The following GAA variants were observed in gnomAD, a reference collection of about 807,000 sequenced individuals.
GAA encodes the protein lysosomal alpha-glucosidase.
A neutral mutation model predicts 103.9 loss-of-function variants in GAA; 88 were observed. That is an observed-to-expected ratio of 0.85 (90% CI 0.71 to 1.01). The LOEUF is 1.01. Among genes scored for constraint, GAA ranks in the 50% least tolerant of loss-of-function variants. The pLI, the probability that GAA is intolerant of heterozygous loss-of-function variation, is 0.00. For synonymous variants in GAA, 572 were observed against 563.1 expected (o/e 1.02, Z -0.22); for missense variants, 1,350 against 1,305.3 (o/e 1.03, Z -0.53).
Position 80,110,940 on chromosome 17 carries a change from G to C in GAA, c.1552-1G>C. The C allele has an allele frequency of 6.2e-7, 1 of 1,613,960 alleles. No individual in the cohort carries two copies. The highest frequency in any genetic ancestry group is 1.1e-5 in the South Asian group (1 of 91,088). On this transcript the variant is annotated splice_acceptor_variant, in intron 10 of 19. Transcript: ENST00000302262. LOFTEE classifies it high-confidence loss of function. Reference sequence around the variant, plus strand: ...ACCTACCAGCAGCGCTTCTCTTGCAGGACATGAACGAGCCTTCCAACTTCA... The same window carrying C: ...ACCTACCAGCAGCGCTTCTCTTGCACGACATGAACGAGCCTTCCAACTTCA...
intron 1 of GAA, among the ~76,000 whole-genome samples, chr17:80,103,585 G>C (rs2039003004): frequency 6.6e-6 from 1 of 152,160 alleles, no homozygotes. Flanking sequence ...CGAAACAAAG[G>C]TCGTTGGTAC....
chr17:80,103,959 G>T (rs1033197636), intron 1 of GAA, among the ~76,000 whole-genome samples: 1 of 152,192 alleles, frequency 6.6e-6, no homozygotes, highest in African/African-American at 2.4e-5. Flanking sequence ...GGACCAAGCC[G>T]CACCTTTATG....
chr17:80,108,537 G>A lies in GAA; in HGVS notation c.1124G>A (p.Arg375His), dbSNP rs142752477. ...TGGGGCCTGGGCTTCCACCTGTGCC[G>A]CTGGGGCTACTCCTCCACCGCTATC... ...PYWGLGFHLC[R>H]WGYSSTAITR... The change falls in exon 7 of 20, where the codon CGC (arginine) becomes CAC (histidine). Residue 375 changes from arginine to histidine, a missense_variant. Coordinates refer to ENST00000302262, the MANE Select transcript of GAA (RefSeq NM_000152.5). 1.7e-5 allele frequency: 27 copies of A among 1,612,868 alleles called. No homozygotes were observed. In the African/African-American group the frequency reaches 1.7e-4, roughly 10 times the overall value.
At chr17:80,106,153 GA>G (rs955630660) in intron 3 of GAA, among the ~76,000 whole-genome samples, 3 of 152,202 alleles carry the variant, frequency 2.0e-5, no homozygotes, top group African/African-American at 7.2e-5. Context: ...AAACTCTCAG[GA>G]ACGACAGCAC....
intron 3 of GAA, among the ~76,000 whole-genome samples, chr17:80,106,124 C>T (rs1353416422): frequency 6.6e-6 from 1 of 152,206 alleles, no homozygotes; most frequent in Non-Finnish European, 1.5e-5. Flanking sequence ...CAAGCCCCTG[C>T]TTGTCATTTA....
intron 8 of GAA, among the ~76,000 whole-genome samples, chr17:80,109,511 G>A (rs1057328990): frequency 6.6e-5 from 10 of 152,364 alleles, no homozygotes; most frequent in Non-Finnish European, 7.3e-5. Context: ...ATCCACTTCA[G>A]CAGAGGAAGC....
intron 8 of GAA, among the ~76,000 whole-genome samples, chr17:80,109,460 G>T (rs2039176912): frequency 6.6e-6 from 1 of 152,198 alleles, no homozygotes; most frequent in South Asian, 2.1e-4. Flanking sequence ...GAGGTGGGAG[G>T]CAGGGCGAGC....
chr17:80,110,997 T>C lies in GAA; in HGVS notation c.1608T>C (p.Asn536=). The change falls in exon 11 of 20, where the codon AAT becomes AAC. Residue 536 remains asparagine (N), a synonymous_variant. Coordinates refer to ENST00000302262, the MANE Select transcript of GAA (RefSeq NM_000152.5). ...IRGSEDGCPN[N]ELENPPYVPG... is the part of the protein sequence containing the mutation. ...GCTCTGAGGACGGCTGCCCCAACAA[T>C]GAGCTGGAGAACCCACCCTACGTGC... 5 of 1,613,846 alleles carry C rather than the reference T, an allele frequency of 3.1e-6. No individual in the cohort carries two copies. The highest frequency in any genetic ancestry group is 1.3e-5 in the African/African-American group (1 of 75,032).
intron 11 of GAA, 104 bp downstream of exon 11, chr17:80,111,129 G>T: frequency 1.9e-6 from 2 of 1,051,494 alleles, no homozygotes; most frequent in Non-Finnish European, 2.8e-6. Flanking sequence ...AGATGGGCCA[G>T]CGGGGAAAGG....
rs2039418269 is a variant in GAA at position 80,118,796 on chromosome 17, C to T, written c.2790C>T (p.Pro930=). The change falls in exon 19 of 20, where the codon CCC becomes CCT. Residue 930 remains proline (P), a synonymous_variant. Coordinates refer to ENST00000302262, the MANE Select transcript of GAA (RefSeq NM_000152.5). ...CTGTCTCCAACTTCACCTACAGCCC[C>T]GACACCAAGGCAAGAGGGCCCAGAG... ...GVPVSNFTYS[P]DTKVLDICVS... is the part of the protein sequence containing the mutation. 3 of 1,613,264 alleles carry T rather than the reference C, an allele frequency of 1.9e-6. No homozygotes were observed. The highest frequency in any genetic ancestry group is 1.6e-4 in the Middle Eastern group (1 of 6,062).
Position 80,102,109 on chromosome 17 carries a change from G to C in GAA, c.-33+219G>C, listed in dbSNP as rs4889961. On this transcript the variant is annotated intron_variant, in intron 1 of 19. Coordinates refer to ENST00000302262, the MANE Select transcript of GAA (RefSeq NM_000152.5). ...GAGGCTGCATCTTCCCGTTTCTAGG[G>C]TTTCCTTTCCCCTTTTGATCGACGC... The C allele has an allele frequency of 0.75, 113,824 of 152,654 alleles. 42,748 individuals carry two copies. The highest frequency in any genetic ancestry group is 0.86 in the Middle Eastern group (254 of 294). 9.5% of individuals were successfully genotyped at this position (152,654 alleles called of 1,614,324 possible). A position where few individuals can be genotyped will look rare whatever the true frequency, so the allele number is the denominator to read the frequency against.
At position 80,113,270 on chromosome 17, in the gene GAA, C is replaced by T. The variant is rs1001458871; in HGVS notation, c.2093C>T (p.Ala698Val). 5 of 1,602,076 alleles carry T rather than the reference C, an allele frequency of 3.1e-6. No homozygotes were observed. Among genetic ancestry groups the T allele is most frequent in the East Asian group, 2.3e-5 (1 of 44,308 alleles). ...CCGGCCCAGCAGGCCATGAGGAAGGCCCTCACCCTGCGCTACGCACTCCTC... is the reference window on the plus strand; with the variant it reads ...CCGGCCCAGCAGGCCATGAGGAAGGTCCTCACCCTGCGCTACGCACTCCTC... ...SEPAQQAMRKALTLRYALLPH... is the reference protein window; with the variant it reads ...SEPAQQAMRKVLTLRYALLPH... Residue 698 changes from alanine (A) to valine (V), a missense_variant, in exon 15 of 20, where the codon GCC becomes GTC. Ala to Val is a moderately conservative substitution (Grantham distance 64). Transcript: ENST00000302262.
At chr17:80,110,111 G>A (rs1598580506) in intron 9 of GAA, 56 bp downstream of exon 9, 4 of 1,403,208 alleles carry the variant, frequency 2.9e-6, no homozygotes, top group Non-Finnish European at 4.0e-6. Flanking sequence ...CAGCCAGGGG[G>A]AGCCGGCAGC....
At position 80,113,014 on chromosome 17, in the gene GAA, G is replaced by T; in HGVS notation, c.2027G>T (p.Ser676Ile). 1 of 1,610,168 alleles carries T rather than the reference G, an allele frequency of 6.2e-7. No homozygotes were observed. Among genetic ancestry groups the T allele is most frequent in the Non-Finnish European group, 8.5e-7 (1 of 1,178,876 alleles). ...TACCCCTTCATGCGGAACCACAACAGCCTGCTCAGTCTGGTAGGGTGGGGG... is the reference window on the plus strand; with the variant it reads ...TACCCCTTCATGCGGAACCACAACATCCTGCTCAGTCTGGTAGGGTGGGGG... ...AFYPFMRNHN[S>I]LLSLPQEPYS... Residue 676 changes from serine to isoleucine, a missense_variant, in exon 14 of 20, where the codon AGC becomes ATC. Transcript: ENST00000302262.
chr17:80,118,098 G>A, intron 17 of GAA, 95 bp from the exon 18 acceptor site: 1 of 1,408,814 alleles, frequency 7.1e-7, no homozygotes, highest in South Asian at 1.3e-5. Flanking sequence ...GTTACTGGCA[G>A]CCTGGTGCTG....
At chr17:80,114,561 T>C (rs1323350062) in intron 15 of GAA, among the ~76,000 whole-genome samples, 1 of 152,216 alleles carries the variant, frequency 6.6e-6, no homozygotes, top group Non-Finnish European at 1.5e-5. Flanking sequence ...CTCTCGTTCC[T>C]CTGTGCTGTT....
At chr17:80,110,134 CGGT>C (rs2039197960) in intron 9 of GAA, 79 bp downstream of exon 9, 22 of 1,190,316 alleles carry the variant, frequency 1.8e-5, no homozygotes, top group Non-Finnish European at 2.6e-5. Context: ...CTCAGGAAGA[CGGT>C]GGGATTTGAG....
In GAA at chr17:80,112,705, G is replaced by C. The variant is rs745911962; in HGVS notation, c.1882G>C (p.Val628Leu). The change falls in exon 13 of 20, where the codon GTG becomes CTG. Residue 628 changes from valine to leucine, a missense_variant. Physicochemically the swap from Val to Leu is conservative, Grantham distance 32. Transcript: ENST00000302262. Reference sequence around the variant, plus strand: ...CTCCTGGGAGCAGCTCGCCTCCTCCGTGCCAGGTGAGCTCCTACCAGGAGG... The same window carrying C: ...CTCCTGGGAGCAGCTCGCCTCCTCCCTGCCAGGTGAGCTCCTACCAGGAGG... ...WSSWEQLASS[V>L]PEILQFNLLG... is the part of the protein sequence containing the mutation. The C allele has an allele frequency of 1.9e-6, 3 of 1,607,462 alleles. No homozygotes were observed. Among genetic ancestry groups the C allele is most frequent in the Non-Finnish European group, 2.5e-6 (3 of 1,177,714 alleles).
At chr17:80,105,493 A>G (rs1482967742) in intron 2 of GAA, among the ~76,000 whole-genome samples, 1 of 152,202 alleles carries the variant, frequency 6.6e-6, no homozygotes, top group Non-Finnish European at 1.5e-5. Context: ...ATGTATTTAT[A>G]CTAGAAAAGC....
Sources: allele counts gnomAD v4.1 joint callset (sites outside exome capture counted in the v4.1 genomes callset), GRCh38; gene constraint gnomAD v4.1.1; transcripts MANE v1.5; gene names NCBI Gene and HGNC (gene_info 2026-07-23, HGNC 2026-07-21).